CNGB3: variants seen among roughly 807,000 people sequenced by gnomAD.
CNGB3 encodes cyclic nucleotide gated channel subunit beta 3.
In CNGB3, 86 loss-of-function variants were observed where a neutral mutation model predicts 92.8. The observed-to-expected ratio is 0.93, with a 90% CI of 0.78 to 1.11. CNGB3 has a LOEUF of 1.11. CNGB3 is among the 50% of genes least tolerant of loss of function. CNGB3 has a pLI of 0.00. For synonymous variants in CNGB3, 333 were observed against 332.7 expected, an observed-to-expected ratio of 1.00 and a Z score of -0.01; for missense variants, 1,026 against 956.8, an observed-to-expected ratio of 1.07 and a Z score of -0.95.
intron 15 of CNGB3, among the ~76,000 whole-genome samples, chr8:86,591,993 C>T (rs1272151514): frequency 2.0e-5 from 3 of 152,212 alleles, no homozygotes; most frequent in South Asian, 4.1e-4. Context: ...ATCAGCGAGA[C>T]TCCGTGGGCG....
chr8:86,700,106 A>C (rs763041761), intron 3 of CNGB3, among the ~76,000 whole-genome samples: 4 of 151,822 alleles, frequency 2.6e-5, no homozygotes, highest in Non-Finnish European at 5.9e-5. Context: ...AACGAGACCT[A>C]AGCATTTCCA....
At chr8:86,638,910 T>C (rs1395703532) in intron 10 of CNGB3, among the ~76,000 whole-genome samples, 2 of 151,740 alleles carry the variant, frequency 1.3e-5, no homozygotes, top group Non-Finnish European at 1.5e-5. Flanking sequence ...AATATAAATA[T>C]CCTCCCTCTT....
chr8:86,652,234 C>T (rs1823418533), intron 7 of CNGB3, among the ~76,000 whole-genome samples: 1 of 151,920 alleles, frequency 6.6e-6, no homozygotes. Flanking sequence ...AAATGGTACA[C>T]CTGTATAGGA....
chr8:86,666,999 A>T lies in CNGB3; in HGVS notation c.778T>A (p.Cys260Ser). 6.2e-7 allele frequency: 1 copy of T among 1,613,942 alleles called. No individual in the cohort carries two copies. Among genetic ancestry groups the T allele is most frequent in the South Asian group, 1.1e-5 (1 of 91,068 alleles). Residue 260 changes from cysteine to serine, a missense_variant, in exon 6 of 18, where the codon TGT (cysteine) becomes AGT (serine). Transcript: ENST00000320005. Reference sequence around the variant, plus strand: ...ATATCATAAAGGTAGATGATATCACATATGATGTCCGCAATAAGCCAGTAG... The same window carrying T: ...ATATCATAAAGGTAGATGATATCACTTATGATGTCCGCAATAAGCCAGTAG... ...IHYWLIADIICDIIYLYDMLF... is the reference protein window; with the variant it reads ...IHYWLIADIISDIIYLYDMLF...
Position 86,575,068 on chromosome 8 carries a change from T to C in CNGB3, c.*736A>G, listed in dbSNP as rs924399424. ...CCTTGAGCCAGATGAGTTAGGTAGA[T>C]TGGTGTCTTTTAAGTTGGTTAGAAG... is the stretch of plus-strand genomic sequence containing the variant. On this transcript the variant is annotated 3_prime_UTR_variant, in exon 18 of 18. Coordinates refer to ENST00000320005, the MANE Select transcript of CNGB3 (RefSeq NM_019098.5). 1 of 152,214 alleles carries C rather than the reference T, an allele frequency of 6.6e-6. No homozygotes were observed. The highest frequency in any genetic ancestry group is 6.5e-5 in the Admixed American group (1 of 15,290). The allele number at this position is 152,214 out of a possible 1,614,324, so 9.4% of individuals were successfully genotyped here. A position where few individuals can be genotyped will look rare whatever the true frequency, so the allele number is the denominator to read the frequency against.
Position 86,575,851 on chromosome 8 carries a change from C to A in CNGB3, c.2383G>T (p.Gly795Ter). The change falls in exon 18 of 18, where the codon GGA becomes TGA. Residue 795 changes from glycine to a stop codon, truncating the protein, a stop_gained. Coordinates refer to ENST00000320005, the MANE Select transcript of CNGB3 (RefSeq NM_019098.5). LOFTEE classifies it high-confidence loss of function. ...ACTTCAATAGTAAGAACCTCTTCTC[C>A]GCCCTCAGCAGAAGGAGCCATGCTG... is the stretch of plus-strand genomic sequence containing the variant. ...IISMAPSAEGGEEVLTIEVKE... is the reference protein window; with the variant it reads ...IISMAPSAEG 6.2e-7 allele frequency: 1 copy of A among 1,613,218 alleles called. No homozygotes were observed. Among genetic ancestry groups the A allele is most frequent in the Admixed American group, 1.7e-5 (1 of 59,858 alleles).
Position 86,578,678 on chromosome 8 carries a change from C to G in CNGB3, c.2103+11G>C. ...CTCCATGACAGCCGTCCATTCACTCCACCTTATTACCTGAGCTGCTTGCTC... is the reference window on the plus strand; with the variant it reads ...CTCCATGACAGCCGTCCATTCACTCGACCTTATTACCTGAGCTGCTTGCTC... On this transcript the variant is annotated intron_variant, in intron 17 of 17. Coordinates refer to ENST00000320005, the MANE Select transcript of CNGB3 (RefSeq NM_019098.5). 6.2e-7 allele frequency: 1 copy of G among 1,613,510 alleles called. No individual in the cohort carries two copies. Among genetic ancestry groups the G allele is most frequent in the Non-Finnish European group, 8.5e-7 (1 of 1,179,950 alleles).
intron 10 of CNGB3, among the ~76,000 whole-genome samples, chr8:86,637,643 C>T (rs1022443051): frequency 2.0e-5 from 3 of 152,062 alleles, no homozygotes; most frequent in African/African-American, 7.2e-5. Context: ...CAGCATTTTG[C>T]AGTTTTCAGT....
chr8:86,628,878 C>G, intron 12 of CNGB3, 41 bp downstream of exon 12: 1 of 1,607,702 alleles, frequency 6.2e-7, no homozygotes, highest in South Asian at 1.1e-5. Flanking sequence ...CATCATATGA[C>G]AAGGTTTACA....
At chr8:86,731,168 A>C (rs1304308443) in intron 2 of CNGB3, among the ~76,000 whole-genome samples, 1 of 152,210 alleles carries the variant, frequency 6.6e-6, no homozygotes, top group African/African-American at 2.4e-5. Flanking sequence ...TTAACAAAAC[A>C]AACACGCAAA....
At chr8:86,669,829 G>A (rs1340783536) in intron 4 of CNGB3, among the ~76,000 whole-genome samples, 5 of 151,504 alleles carry the variant, frequency 3.3e-5, no homozygotes, top group Admixed American at 3.3e-4. Flanking sequence ...ATCACAGTAT[G>A]TATTACTTTT....
intron 17 of CNGB3, 151 bp from the exon 18 acceptor site, chr8:86,576,281 T>A: frequency 1.1e-6 from 1 of 875,766 alleles, no homozygotes; most frequent in Non-Finnish European, 1.8e-6. Context: ...TGCTTCTGAC[T>A]ATCATTTGAT....
At chr8:86,578,293 A>G (rs1395766624) in intron 17 of CNGB3, among the ~76,000 whole-genome samples, 1 of 152,164 alleles carries the variant, frequency 6.6e-6, no homozygotes, top group Admixed American at 6.5e-5. Context: ...TGTATGCATC[A>G]AGCAACTTAA....
At chr8:86,711,291 TG>T (rs2131658780) in intron 3 of CNGB3, among the ~76,000 whole-genome samples, 1 of 152,308 alleles carries the variant, frequency 6.6e-6, no homozygotes, top group South Asian at 2.1e-4. Context: ...CATGGATTTT[TG>T]CCTGCCTGCG....
At chr8:86,717,491 G>A (rs1411963520) in intron 3 of CNGB3, among the ~76,000 whole-genome samples, 1 of 151,298 alleles carries the variant, frequency 6.6e-6, no homozygotes, top group Non-Finnish European at 1.5e-5. Context: ...TGAACCCAGG[G>A]GGTGGAGGTT....
At position 86,575,361 on chromosome 8, in the gene CNGB3, A is replaced by G. The variant is rs1159082969; in HGVS notation, c.*443T>C. 6.5e-6 allele frequency: 1 copy of G among 154,820 alleles called. No individual in the cohort carries two copies. The highest frequency in any genetic ancestry group is 2.4e-5 in the African/African-American group (1 of 41,486). The allele number at this position is 154,820 out of a possible 1,614,324, so 9.6% of individuals were successfully genotyped here. On this transcript the variant is annotated 3_prime_UTR_variant, in exon 18 of 18. Transcript: ENST00000320005. ...TTGACCTATTACATTAAAATCTTAT[A>G]CCCTTTACATGTAAGAGGTGAAATT...
intron 15 of CNGB3, among the ~76,000 whole-genome samples, chr8:86,598,553 C>G (rs777257403): frequency 4.6e-5 from 7 of 152,176 alleles, no homozygotes; most frequent in Non-Finnish European, 7.3e-5. Context: ...AATTTATTAT[C>G]TCACAGTTCT....
At position 86,667,218 on chromosome 8, in the gene CNGB3, C is replaced by T. The variant is rs1823760851; in HGVS notation, c.644-85G>A. On this transcript the variant is annotated intron_variant, in intron 5 of 17. Transcript: ENST00000320005. ...GTTGCTTAGTTTGGGGAGGTTGGGGCACTACCCTCTACAGAGTAATTTGCC... is the reference window on the plus strand; with the variant it reads ...GTTGCTTAGTTTGGGGAGGTTGGGGTACTACCCTCTACAGAGTAATTTGCC... 24 of 1,154,696 alleles carry T rather than the reference C, an allele frequency of 2.1e-5. No homozygotes were observed. In the South Asian group the frequency reaches 2.6e-4, roughly 13 times the overall value. The allele number at this position is 1,154,696 out of a possible 1,614,324, so 71.5% of individuals were successfully genotyped here.
chr8:86,598,284 T>C (rs1352220652), intron 15 of CNGB3, among the ~76,000 whole-genome samples: 1 of 152,176 alleles, frequency 6.6e-6, no homozygotes, highest in Non-Finnish European at 1.5e-5. Flanking sequence ...GCCACTGCAG[T>C]TGTCCAGTGA....
Sources: gnomAD v4.1 joint callset for allele counts (sites outside exome capture counted in the v4.1 genomes callset) on GRCh38, gnomAD v4.1.1 for gene constraint, MANE v1.5 for transcripts, NCBI Gene and HGNC (gene_info 2026-07-23, HGNC 2026-07-21) for gene names.